The following REDIC1 variants were observed in gnomAD, a reference collection of about 807,000 sequenced individuals.
REDIC1 encodes the protein HEI10 Interacting Protein 1.
the REDIC1 span, among the ~76,000 whole-genome samples, chr12:39,704,688 A>T: frequency 6.6e-6 from 1 of 152,334 alleles, no homozygotes; most frequent in Admixed American, 6.5e-5. Context: ...TCCAACAATG[A>T]TAGACTAGAT....
At chr12:39,762,504 T>C in the REDIC1 span, among the ~76,000 whole-genome samples, 1 of 147,784 alleles carries the variant, frequency 6.8e-6, no homozygotes, top group African/African-American at 2.5e-5. Flanking sequence ...ATTGGTGATA[T>C]AGCAATGATA....
At chr12:39,805,850 G>T in the REDIC1 span, among the ~76,000 whole-genome samples, 1 of 152,180 alleles carries the variant, frequency 6.6e-6, no homozygotes, top group Non-Finnish European at 1.5e-5. Flanking sequence ...TATGTTTGCT[G>T]AAGGGACATT....
chr12:39,806,782 G>C, the REDIC1 span, among the ~76,000 whole-genome samples: 1 of 152,164 alleles, frequency 6.6e-6, no homozygotes, highest in Non-Finnish European at 1.5e-5. Context: ...ATGAAATCAA[G>C]ACAGTCGAAA....
chr12:39,642,823 T>C, the REDIC1 span, among the ~76,000 whole-genome samples: 2 of 151,760 alleles, frequency 1.3e-5, no homozygotes, highest in Non-Finnish European at 3.0e-5. Flanking sequence ...AGACATTTAC[T>C]TTTTTGTGTG....
the REDIC1 span, among the ~76,000 whole-genome samples, chr12:39,833,529 T>G: frequency 6.6e-6 from 1 of 152,000 alleles, no homozygotes; most frequent in Non-Finnish European, 1.5e-5. Flanking sequence ...CATATTTAGG[T>G]TTCTCTATTA....
chr12:39,886,612 T>C, the REDIC1 span, among the ~76,000 whole-genome samples: 1 of 152,144 alleles, frequency 6.6e-6, no homozygotes, highest in Non-Finnish European at 1.5e-5. Context: ...TTAAATGTTT[T>C]GGTGTGTTTG....
At chr12:39,697,502 A>G in the REDIC1 span, among the ~76,000 whole-genome samples, 1 of 152,262 alleles carries the variant, frequency 6.6e-6, no homozygotes, top group Non-Finnish European at 1.5e-5. Flanking sequence ...CTCATATCTG[A>G]AGTAGAAACA....
the REDIC1 span, among the ~76,000 whole-genome samples, chr12:39,632,145 G>A: frequency 1.3e-5 from 2 of 151,890 alleles, no homozygotes; most frequent in Non-Finnish European, 2.9e-5. Context: ...TGCCCAGGCT[G>A]GAGTGCACTG....
At chr12:39,898,462 C>T in the REDIC1 span, among the ~76,000 whole-genome samples, 1 of 151,644 alleles carries the variant, frequency 6.6e-6, no homozygotes, top group Non-Finnish European at 1.5e-5. Flanking sequence ...AATGACATAC[C>T]ATATTCTGCC....
At chr12:39,678,997 G>A in the REDIC1 span, among the ~76,000 whole-genome samples, 1 of 152,050 alleles carries the variant, frequency 6.6e-6, no homozygotes, top group Non-Finnish European at 1.5e-5. Context: ...GCATTATACT[G>A]AATGGGGGAA....
chr12:39,805,525 TTC>T, the REDIC1 span, among the ~76,000 whole-genome samples: 1 of 149,572 alleles, frequency 6.7e-6, no homozygotes, highest in African/African-American at 2.5e-5. Context: ...TTTTTTTTTT[TTC>T]CCCAGAGACT....
chr12:39,646,358 A>C, the REDIC1 span: 1 of 1,372,538 alleles, frequency 7.3e-7, no homozygotes, highest in South Asian at 2.2e-5. Flanking sequence ...CCATGTGAAC[A>C]TGAATAGAGA....
At chr12:39,785,529 G>A in the REDIC1 span, among the ~76,000 whole-genome samples, 1 of 152,216 alleles carries the variant, frequency 6.6e-6, no homozygotes, top group African/African-American at 2.4e-5. Flanking sequence ...GAAGGGAAAT[G>A]TGGGGTCAGA....
the REDIC1 span, among the ~76,000 whole-genome samples, chr12:39,888,426 T>C: frequency 2.0e-5 from 3 of 152,008 alleles, no homozygotes; most frequent in South Asian, 6.2e-4. Flanking sequence ...GGTTTCACCA[T>C]ATTGGTCAGG....
At chr12:39,683,394 T>C in the REDIC1 span, 14 of 1,518,280 alleles carry the variant, frequency 9.2e-6, no homozygotes, top group African/African-American at 1.4e-5. Flanking sequence ...TTTAACTCGG[T>C]GCATACTTTT....
chr12:39,724,949 G>A, the REDIC1 span, among the ~76,000 whole-genome samples: 1 of 152,016 alleles, frequency 6.6e-6, no homozygotes, highest in Non-Finnish European at 1.5e-5. Flanking sequence ...GGCATAATTT[G>A]AAGAGATAAT....
At chr12:39,691,944 TA>T in the REDIC1 span, 1 of 1,054,960 alleles carries the variant, frequency 9.5e-7, no homozygotes, top group Non-Finnish European at 1.3e-6. Context: ...TGAAGTAATG[TA>T]AAAGAAAAGT....
At chr12:39,706,955 C>T in the REDIC1 span, among the ~76,000 whole-genome samples, 1 of 151,884 alleles carries the variant, frequency 6.6e-6, no homozygotes, top group African/African-American at 2.4e-5. Context: ...GTAAAAATTT[C>T]TTGAGTAATA....
the REDIC1 span, among the ~76,000 whole-genome samples, chr12:39,848,817 T>A: frequency 6.6e-6 from 1 of 152,152 alleles, no homozygotes; most frequent in Non-Finnish European, 1.5e-5. Flanking sequence ...GTGGTACATA[T>A]ACACCAGGGA....
Sources: allele counts gnomAD v4.1 joint callset (sites outside exome capture counted in the v4.1 genomes callset), GRCh38; gene constraint gnomAD v4.1.1; transcripts MANE v1.5; gene names NCBI Gene and HGNC (gene_info 2026-07-23, HGNC 2026-07-21).